The following ITPRID1 variants were observed in gnomAD, a reference collection of about 807,000 sequenced individuals.
ITPRID1 encodes the protein ITPR interacting domain containing 1.
In ITPRID1, 96 loss-of-function variants were observed where a neutral mutation model predicts 95.4. The observed-to-expected ratio is 1.01, with a 90% CI of 0.85 to 1.19. ITPRID1 has a LOEUF of 1.19. ITPRID1 is among the 50% of genes most tolerant of loss of function. The probability of loss-of-function intolerance (pLI) is 0.00; values close to 1 mark genes in which losing one functional copy is unlikely to be tolerated. For synonymous variants in ITPRID1, 510 were observed against 453.6 expected, an observed-to-expected ratio of 1.12 and a Z score of -1.58; for missense variants, 1,339 against 1,252.9, an observed-to-expected ratio of 1.07 and a Z score of -1.04.
intron 12 of ITPRID1, among the ~76,000 whole-genome samples, chr7:31,648,770 A>G (rs1238295898): frequency 6.6e-6 from 1 of 152,144 alleles, no homozygotes; most frequent in Admixed American, 6.5e-5. Flanking sequence ...AACCACTCAA[A>G]CAGCTCGCTG....
rs182426569 is a variant in ITPRID1, at chr7:31,569,013, A to T, written c.257-745A>T. Among the ~76,000 whole-genome samples, 171 of 152,340 alleles carry T rather than the reference A, an allele frequency of 1.1e-3. 1 individual carries two copies. Among genetic ancestry groups the T allele is most frequent in the African/African-American group, 3.9e-3 (164 of 41,588 alleles). ...GATTTGTTGTGAGAATTACAAGAGA[A>T]TGTGTGTGTAATATGCTTAGCACAT... is the stretch of plus-strand genomic sequence containing the variant. On this transcript the variant is annotated intron_variant, in intron 5 of 14. Transcript: ENST00000615280.
At chr7:31,637,116 T>C (rs1455261821) in intron 10 of ITPRID1, among the ~76,000 whole-genome samples, 4 of 152,052 alleles carry the variant, frequency 2.6e-5, no homozygotes, top group Admixed American at 2.6e-4. Context: ...TGTGCCACAT[T>C]TTCTTAATCC....
intron 1 of ITPRID1, among the ~76,000 whole-genome samples, chr7:31,521,689 CCTTT>C (rs1429431519): frequency 9.0e-6 from 1 of 111,292 alleles, no homozygotes; most frequent in African/African-American, 3.4e-5. Context: ...CTTCCTTCCT[CCTTT>C]ATTCCCTCCC....
chr7:31,656,065 C>G lies in ITPRID1; in HGVS notation c.*3236C>G. ...GTCCTAGGGCAGACCCCATCTCCTA[C>G]ACAGGCTTTCCTTGATGATCTGTGG... On this transcript the variant is annotated 3_prime_UTR_variant, in exon 15 of 15. Transcript: ENST00000615280. 1 of 953,754 alleles carries G rather than the reference C, an allele frequency of 1.0e-6. No individual in the cohort carries two copies. Among genetic ancestry groups the G allele is most frequent in the Non-Finnish European group, 1.2e-6 (1 of 801,034 alleles). The allele number at this position is 953,754 out of a possible 1,614,324, so 59.1% of individuals were successfully genotyped here.
chr7:31,645,788 G>A (rs1790412441), intron 12 of ITPRID1, among the ~76,000 whole-genome samples: 1 of 152,112 alleles, frequency 6.6e-6, no homozygotes, highest in Admixed American at 6.5e-5. Flanking sequence ...CAACAAGTGG[G>A]TAGAGGCCAG....
intron 10 of ITPRID1, among the ~76,000 whole-genome samples, chr7:31,636,015 C>G (rs918585288): frequency 3.9e-5 from 6 of 152,118 alleles, no homozygotes; most frequent in Non-Finnish European, 7.4e-5. Context: ...AACTTACAAT[C>G]ACGGCAGAAG....
At chr7:31,561,324 A>C (rs929378305) in intron 5 of ITPRID1, among the ~76,000 whole-genome samples, 23 of 152,140 alleles carry the variant, frequency 1.5e-4, no homozygotes, top group African/African-American at 5.5e-4. Flanking sequence ...TGTGATGGGA[A>C]TGATTGGTGG....
intron 10 of ITPRID1, among the ~76,000 whole-genome samples, chr7:31,622,334 A>C (rs984825556): frequency 5.3e-5 from 8 of 152,258 alleles, no homozygotes; most frequent in African/African-American, 7.2e-5. Context: ...ACACCTATTC[A>C]AAAATTGACC....
chr7:31,658,368 G>A (rs1317925763), downstream of ITPRID1: 14 of 1,517,246 alleles, frequency 9.2e-6, no homozygotes, highest in Admixed American at 2.6e-4. Context: ...ACTTTCTGAA[G>A]ACACAAGACT....
intron 10 of ITPRID1, among the ~76,000 whole-genome samples, chr7:31,586,598 G>C (rs1314259941): frequency 2.0e-5 from 3 of 152,012 alleles, no homozygotes; most frequent in African/African-American, 7.2e-5. Context: ...CAGTGATGAT[G>C]AGCATTTTTT....
At chr7:31,522,200 T>C (rs1783287556) in intron 1 of ITPRID1, among the ~76,000 whole-genome samples, 1 of 152,192 alleles carries the variant, frequency 6.6e-6, no homozygotes, top group South Asian at 2.1e-4. Flanking sequence ...CCAATGGGTC[T>C]GACTCTACCT....
chr7:31,625,626 G>A (rs981536930), intron 10 of ITPRID1, among the ~76,000 whole-genome samples: 5 of 152,026 alleles, frequency 3.3e-5, no homozygotes, highest in Non-Finnish European at 2.9e-5. Context: ...CTGTTGTGGG[G>A]TGGGAGGAGG....
At chr7:31,574,919 T>C (rs184220773) in intron 8 of ITPRID1, among the ~76,000 whole-genome samples, 177 bp downstream of exon 8, 18 of 152,276 alleles carry the variant, frequency 1.2e-4, no homozygotes, top group Middle Eastern at 3.4e-3. Flanking sequence ...TTGGTGTGTA[T>C]GTTTTGGAGA....
At chr7:31,658,349 A>G, downstream of ITPRID1, 1 of 1,522,670 alleles carries the variant, frequency 6.6e-7, no homozygotes, top group Non-Finnish European at 8.7e-7. Context: ...GAAAAAATAA[A>G]ATCAAAAGAC....
intron 10 of ITPRID1, among the ~76,000 whole-genome samples, chr7:31,604,268 C>T (rs560766441): frequency 1.5e-4 from 23 of 152,216 alleles, no homozygotes; most frequent in African/African-American, 4.8e-4. Context: ...GATTTTACTC[C>T]CATTTTACAG....
intron 1 of ITPRID1, among the ~76,000 whole-genome samples, chr7:31,538,849 A>G (rs1783842363): frequency 6.6e-6 from 1 of 152,244 alleles, no homozygotes; most frequent in African/African-American, 2.4e-5. Context: ...TATTTCTTGA[A>G]GAAACATTTT....
Position 31,577,681 on chromosome 7 carries a change from C to T in ITPRID1, c.599-182C>T, listed in dbSNP as rs541138179. Among the ~76,000 whole-genome samples the T allele has an allele frequency of 2.1e-3, 323 of 152,198 alleles. 1 individual carries two copies. The highest frequency in any genetic ancestry group is 7.3e-3 in the African/African-American group (304 of 41,522). On this transcript the variant is annotated intron_variant, in intron 8 of 14. Coordinates refer to ENST00000615280, the MANE Select transcript of ITPRID1 (RefSeq NM_001257967.3). ...CCCATAACACAGCAAAATCTCATTA[C>T]GTAGGGAAATCATCTCCATAATAGT...
At chr7:31,652,195 G>T in intron 14 of ITPRID1, 145 bp downstream of exon 14, 1 of 741,636 alleles carries the variant, frequency 1.3e-6, no homozygotes, top group Middle Eastern at 3.7e-4. Flanking sequence ...GAAGTACTTT[G>T]GTTTGCTCAA....
intron 10 of ITPRID1, among the ~76,000 whole-genome samples, chr7:31,602,065 G>A (rs983014080): frequency 2.6e-5 from 4 of 151,888 alleles, no homozygotes; most frequent in African/African-American, 9.7e-5. Flanking sequence ...CTTGGCAGTA[G>A]GCATAGACTT....
Sources: gnomAD v4.1 joint callset for allele counts (sites outside exome capture counted in the v4.1 genomes callset) on GRCh38, gnomAD v4.1.1 for gene constraint, MANE v1.5 for transcripts, NCBI Gene and HGNC (gene_info 2026-07-23, HGNC 2026-07-21) for gene names.